The following DSN1 variants were observed in gnomAD, a reference collection of about 807,000 sequenced individuals.
DSN1 encodes DSN1 component of MIS12 kinetochore complex.
A neutral mutation model predicts 45.7 loss-of-function variants in DSN1; 31 were observed. That is an observed-to-expected ratio of 0.68 (90% CI 0.51 to 0.92). The LOEUF (loss-of-function observed/expected upper bound fraction) is 0.92. Among genes scored for constraint, DSN1 ranks in the 40% least tolerant of loss-of-function variants. The pLI is 0.00. For synonymous variants in DSN1, 134 were observed against 142.3 expected, an observed-to-expected ratio of 0.94 and a Z score of 0.41; for missense variants, 394 against 414.2, an observed-to-expected ratio of 0.95 and a Z score of 0.42.
At position 36,771,496 on chromosome 20, in the gene DSN1, G is replaced by A. The variant is rs750551371; in HGVS notation, c.-15-23C>T. 6 of 1,611,280 alleles carry A rather than the reference G, an allele frequency of 3.7e-6. No individual in the cohort carries two copies. In the South Asian group the frequency reaches 5.5e-5, roughly 15 times the overall value. On this transcript the variant is annotated intron_variant, in intron 1 of 10. Transcript: ENST00000373750. ...ACTCTGAAAATAGGAAAATGGAAGT[G>A]ATCTGTTCTTCACGTTTCACTGCAG...
Position 36,762,564 on chromosome 20 carries a change from T to G in DSN1, c.503-16A>C, listed in dbSNP as rs553699211. The G allele has an allele frequency of 1.2e-6, 2 of 1,607,550 alleles. No individual in the cohort carries two copies. The highest frequency in any genetic ancestry group is 2.2e-5 in the South Asian group (2 of 90,308). The stretch of plus-strand genomic sequence containing the variant: ...AGAGAAGATGCTAGACAGCACAAAT[T>G]TACGTGTCATAAAATAAAGGAAATA... On this transcript the variant is annotated splice_polypyrimidine_tract_variant and intron_variant, in intron 5 of 10. Coordinates refer to ENST00000373750, the MANE Select transcript of DSN1 (RefSeq NM_001145315.2).
At chr20:36,767,617 T>G (rs1482088381) in intron 4 of DSN1, among the ~76,000 whole-genome samples, 4 of 151,410 alleles carry the variant, frequency 2.6e-5, no homozygotes, top group Admixed American at 2.6e-4. Context: ...ATGCAAAAAA[T>G]TAAGGGCTGG....
intron 1 of DSN1, among the ~76,000 whole-genome samples, chr20:36,772,297 G>T (rs200797200): frequency 1.3e-5 from 2 of 149,852 alleles, no homozygotes; most frequent in African/African-American, 2.5e-5. Context: ...CTTTGTTTTT[G>T]TTTTTTTTTG....
chr20:36,771,548 A>G, intron 1 of DSN1, 75 bp from the exon 2 acceptor site: 3 of 1,392,672 alleles, frequency 2.2e-6, no homozygotes, highest in Non-Finnish European at 3.0e-6. Context: ...CAGCCCCAGA[A>G]TAAATAGGCC....
intron 10 of DSN1, among the ~76,000 whole-genome samples, chr20:36,753,437 A>T (rs1986484965): frequency 6.6e-6 from 1 of 151,868 alleles, no homozygotes; most frequent in Non-Finnish European, 1.5e-5. Flanking sequence ...CAGAAGTTCA[A>T]GACCAGCCTG....
Position 36,758,202 on chromosome 20 carries a change from T to A in DSN1, c.651-41A>T, listed in dbSNP as rs182156141. 1.2e-5 allele frequency: 18 copies of A among 1,555,612 alleles called. No homozygotes were observed. The Admixed American group carries it at 1.4e-4, about 12-fold the overall frequency. On this transcript the variant is annotated intron_variant, in intron 7 of 10. Transcript: ENST00000373750. ...AAAAAAGTTCAGTTAATTTTTATAA[T>A]CTTATTCTGAATCACTCACAGTAAC...
chr20:36,773,486 A>C (rs1317602815), intron 1 of DSN1, 176 bp downstream of exon 1: 3 of 985,452 alleles, frequency 3.0e-6, no homozygotes, highest in Non-Finnish European at 3.6e-6. Flanking sequence ...TTCACCCGGG[A>C]GGAGGTCGCA....
chr20:36,768,267 G>GCAGGTAC (rs1987456999), intron 3 of DSN1, among the ~76,000 whole-genome samples: 4 of 152,194 alleles, frequency 2.6e-5, no homozygotes, highest in Admixed American at 2.0e-4. Context: ...TTTGTATTGG[G>GCAGGTAC]CAGGTACGAT....
At position 36,758,583 on chromosome 20, in the gene DSN1, C is replaced by T. The variant is rs777568067; in HGVS notation, c.625G>A (p.Ala209Thr). ...ASDFSLEASV[A>T]EMKEYITKFS... Reference sequence around the variant, plus strand: ...TTTGTTATGTATTCCTTCATCTCAGCCACAGATGCTTCCAAAGAAAAATCT... The same window carrying T: ...TTTGTTATGTATTCCTTCATCTCAGTCACAGATGCTTCCAAAGAAAAATCT... Residue 209 changes from alanine (A) to threonine (T), a missense_variant, in exon 7 of 11, where the codon GCT becomes ACT. By Grantham distance (58) the Ala-to-Thr change is moderately conservative. Transcript: ENST00000373750. 3 of 1,611,600 alleles carry T rather than the reference C, an allele frequency of 1.9e-6. No individual in the cohort carries two copies. The highest frequency in any genetic ancestry group is 1.3e-5 in the African/African-American group (1 of 74,992).
chr20:36,763,793 A>G lies in DSN1; in HGVS notation c.503-1245T>C, dbSNP rs6102142. Reference sequence around the variant, plus strand: ...TCCCAGCTACTCAGGAGGCTGAGGCAGGAGAATCACTTGAACCTGGGAGGC... The same window carrying G: ...TCCCAGCTACTCAGGAGGCTGAGGCGGGAGAATCACTTGAACCTGGGAGGC... On this transcript the variant is annotated intron_variant, in intron 5 of 10. Transcript: ENST00000373750. 5.5e-3 allele frequency among the ~76,000 whole-genome samples: 787 copies of G among 144,386 alleles called. 9 individuals carry two copies. The highest frequency in any genetic ancestry group is 0.019 in the African/African-American group (736 of 39,600). 94.7% of individuals were successfully genotyped at this position (144,386 alleles called of 152,430 possible). A position where few individuals can be genotyped will look rare whatever the true frequency, so the allele number is the denominator to read the frequency against.
chr20:36,770,021 T>C (rs1365905025), intron 3 of DSN1, among the ~76,000 whole-genome samples: 1 of 11,648 alleles, frequency 8.6e-5, no homozygotes, highest in African/African-American at 3.6e-4. Flanking sequence ...GGGAGAGGGG[T>C]GGGGTGCAGG....
chr20:36,766,992 A>C, intron 4 of DSN1, 151 bp from the exon 5 acceptor site: 1 of 537,812 alleles, frequency 1.9e-6, no homozygotes, highest in Non-Finnish European at 3.2e-6. Flanking sequence ...AAACAAATAA[A>C]TAGATAAGGG....
intron 7 of DSN1, 80 bp from the exon 8 acceptor site, chr20:36,758,241 G>A: frequency 7.5e-7 from 1 of 1,330,048 alleles, no homozygotes; most frequent in Non-Finnish European, 1.1e-6. Flanking sequence ...AAGTATGTGA[G>A]GTGTACAATC....
chr20:36,765,303 C>T (rs577834416), intron 5 of DSN1, among the ~76,000 whole-genome samples: 30 of 143,802 alleles, frequency 2.1e-4, no homozygotes, highest in African/African-American at 7.3e-4. Context: ...TGCCTGTAAT[C>T]CCAGCACTTT....
chr20:36,753,504 G>GGCACAT (rs1251494052), intron 10 of DSN1, among the ~76,000 whole-genome samples: 2 of 151,574 alleles, frequency 1.3e-5, no homozygotes, highest in African/African-American at 4.9e-5. Context: ...CAGGCATGGT[G>GGCACAT]GCACATGCCT....
At position 36,757,372 on chromosome 20, in the gene DSN1, A is replaced by C. The variant is rs1192594313; in HGVS notation, c.725+715T>G. ...AAACAAACAAAAAAACAACAAAAAA[A>C]CACCCAGCCCAGCCTGGCCAACATG... is the stretch of plus-strand genomic sequence containing the variant. On this transcript the variant is annotated intron_variant, in intron 8 of 10. Transcript: ENST00000373750. Among the ~76,000 whole-genome samples, 8 of 151,874 alleles carry C rather than the reference A, an allele frequency of 5.3e-5. No individual in the cohort carries two copies. The East Asian group carries it at 1.5e-3, about 29-fold the overall frequency.
rs190780038 is a variant in DSN1 at position 36,753,685 on chromosome 20, C to A, written c.962-788G>T. ...GAAAGAAAGAAAGAAAGCCAGCCAC[C>A]ACTACAATCACAATACAATGTGATC... On this transcript the variant is annotated intron_variant, in intron 10 of 10. Transcript: ENST00000373750. Among the ~76,000 whole-genome samples the A allele has an allele frequency of 1.6e-3, 247 of 150,578 alleles. 2 individuals carry two copies. The highest frequency in any genetic ancestry group is 5.8e-3 in the African/African-American group (239 of 41,118).
intron 1 of DSN1, chr20:36,773,345 C>T (rs7343849): frequency 5.1e-5 from 50 of 982,204 alleles, no homozygotes; most frequent in Non-Finnish European, 6.0e-5. Context: ...CACAGCCAGC[C>T]TGGGGGCACA....
intron 1 of DSN1, 115 bp downstream of exon 1, chr20:36,773,547 G>T: frequency 1.0e-6 from 1 of 986,020 alleles, no homozygotes; most frequent in Non-Finnish European, 1.2e-6. Context: ...GCTGCGGCGG[G>T]TCGAGCTGGG....
Sources: gnomAD v4.1 joint callset for allele counts (sites outside exome capture counted in the v4.1 genomes callset) on GRCh38, gnomAD v4.1.1 for gene constraint, MANE v1.5 for transcripts, NCBI Gene and HGNC (gene_info 2026-07-23, HGNC 2026-07-21) for gene names.